Variants in TTC31 observed in about 807,000 individuals in gnomAD.
TTC31 encodes the protein tetratricopeptide repeat protein 31.
A neutral mutation model predicts 60.4 loss-of-function variants in TTC31; 59 were observed. The ratio of observed to expected loss-of-function variants is 0.98; its 90% CI spans 0.79 to 1.21. The LOEUF (loss-of-function observed/expected upper bound fraction) is 1.21, where lower values mean the gene tolerates loss of function less well. TTC31 is among the 50% of genes most tolerant of loss of function. TTC31 has a pLI of 0.00. For synonymous variants in TTC31, 225 were observed against 249.6 expected (o/e 0.90, Z 0.93); for missense variants, 672 against 646.9 (o/e 1.04, Z -0.42).
Position 74,491,310 on chromosome 2 carries a change from G to T in TTC31, c.619G>T (p.Asp207Tyr). ...CGEPKASTTS[D>Y]GDESPPSSPG... is the part of the protein sequence containing the mutation. ...TTTCTTCCAGGCCAGCACTACCTCA[G>T]ATGGAGATGAGAGCCCCCCATCCAG... Residue 207 changes from aspartate (D) to tyrosine (Y), a missense_variant, in exon 7 of 13, where the codon GAT becomes TAT. By Grantham distance (160) the Asp-to-Tyr change is radical (BLOSUM62 -3). Transcript: ENST00000233623. 6.2e-7 allele frequency: 1 copy of T among 1,614,162 alleles called. No individual in the cohort carries two copies. Among genetic ancestry groups the T allele is most frequent in the Admixed American group, 1.7e-5 (1 of 60,022 alleles).
chr2:74,492,787 CAG>C, intron 12 of TTC31, 40 bp downstream of exon 12: 2 of 1,605,292 alleles, frequency 1.2e-6, no homozygotes, highest in Non-Finnish European at 1.7e-6. Flanking sequence ...AGGCGGGTAT[CAG>C]GGAGAATTGG....
chr2:74,483,116 T>C lies in TTC31; in HGVS notation c.21T>C (p.Thr7=), dbSNP rs569753223. 3.7e-6 allele frequency: 6 copies of C among 1,614,154 alleles called. No individual in the cohort carries two copies. The highest frequency in any genetic ancestry group is 5.1e-6 in the Non-Finnish European group (6 of 1,180,028). Residue 7 remains threonine, a synonymous_variant, in exon 1 of 13, where the codon ACT becomes ACC. Coordinates refer to ENST00000233623, the MANE Select transcript of TTC31 (RefSeq NM_022492.6). MAPIPK[T]VGRIKLDCSL... is the part of the protein sequence containing the mutation. ...ATGCGATGGCGCCGATTCCAAAGAC[T>C]GTGGGGCGGATCAAGCTAGGTGAGC... is the stretch of plus-strand genomic sequence containing the variant.
chr2:74,484,532 C>T (rs2104083454), intron 2 of TTC31, among the ~76,000 whole-genome samples: 1 of 151,994 alleles, frequency 6.6e-6, no homozygotes, highest in African/African-American at 2.4e-5. Context: ...GATCTTGGCT[C>T]ACTGCAACCT....
At position 74,490,381 on chromosome 2, in the gene TTC31, C is replaced by T. The variant is rs757768516; in HGVS notation, c.370C>T (p.Pro124Ser). 10 of 1,614,092 alleles carry T rather than the reference C, an allele frequency of 6.2e-6. No individual in the cohort carries two copies. The highest frequency in any genetic ancestry group is 1.7e-5 in the Admixed American group (1 of 60,012). The stretch of plus-strand genomic sequence containing the variant: ...TCCTCCCCAAGAGTCTGAGCCCTGC[C>T]CTCAAAGCCCCTCTGCCTCTGCCAC... ...LYPPQESEPC[P>S]QSPSASATFP... The change falls in exon 4 of 13, where the codon CCT (proline) becomes TCT (serine). Residue 124 changes from proline to serine, a missense_variant. Pro to Ser is a moderately conservative substitution (Grantham distance 74). Transcript: ENST00000233623.
In TTC31 at chr2:74,483,377, C is replaced by A; in HGVS notation, c.96C>A (p.Cys32Ter). Residue 32 changes from cysteine to a stop codon, truncating the protein, a stop_gained, in exon 2 of 13, where the codon TGC becomes TGA. Transcript: ENST00000233623. LOFTEE classifies it high-confidence loss of function. ...PLEVAAAPKL[C>*]KEFGPEDYGE... is the part of the protein sequence containing the mutation. ...AGGTCGCTGCTGCACCCAAACTTTGCAAGGAATTCGGTCCAGAGGATTACG... is the reference window on the plus strand; with the variant it reads ...AGGTCGCTGCTGCACCCAAACTTTGAAAGGAATTCGGTCCAGAGGATTACG... 6.2e-7 allele frequency: 1 copy of A among 1,614,190 alleles called. No homozygotes were observed. The highest frequency in any genetic ancestry group is 8.5e-7 in the Non-Finnish European group (1 of 1,180,026).
At chr2:74,487,400 G>T (rs1434577628) in intron 2 of TTC31, among the ~76,000 whole-genome samples, 1 of 152,088 alleles carries the variant, frequency 6.6e-6, no homozygotes, top group African/African-American at 2.4e-5. Flanking sequence ...TGTATTTTTA[G>T]TAGAGACGGG....
chr2:74,483,997 A>G (rs1361479215), intron 2 of TTC31, among the ~76,000 whole-genome samples: 4 of 149,560 alleles, frequency 2.7e-5, no homozygotes, highest in Non-Finnish European at 5.9e-5. Flanking sequence ...GCACTTTGGG[A>G]GGCCTAGGGG....
rs1267646014 is a variant in TTC31, at chr2:74,483,232, C to T, written c.41-90C>T. 13 of 1,612,942 alleles carry T rather than the reference C, an allele frequency of 8.1e-6. No individual in the cohort carries two copies. In the East Asian group the frequency reaches 2.9e-4, roughly 36 times the overall value. On this transcript the variant is annotated intron_variant, in intron 1 of 12. Transcript: ENST00000233623. ...TGAACGTTTCGAGTAGGATTTTATGCAGAGGGCGGAGAGTCGAGGGTAGAG... is the reference window on the plus strand; with the variant it reads ...TGAACGTTTCGAGTAGGATTTTATGTAGAGGGCGGAGAGTCGAGGGTAGAG...
intron 2 of TTC31, among the ~76,000 whole-genome samples, chr2:74,489,620 T>C (rs1232764212): frequency 6.6e-6 from 1 of 152,092 alleles, no homozygotes; most frequent in African/African-American, 2.4e-5. Context: ...TGTACTTGTT[T>C]AGGTGTGAGC....
intron 2 of TTC31, among the ~76,000 whole-genome samples, chr2:74,489,296 A>G (rs909325769): frequency 5.9e-5 from 9 of 152,192 alleles, no homozygotes; most frequent in African/African-American, 2.2e-4. Context: ...AGGTGAGGCA[A>G]GATGTGAGAA....
chr2:74,491,533 G>T lies in TTC31; in HGVS notation c.737G>T (p.Gly246Val). ...GTGTCTCTGGCTTTGCGCAAGGTTGGGGATTGGCCCCTCAGTGCCCGCAGA... is the reference window on the plus strand; with the variant it reads ...GTGTCTCTGGCTTTGCGCAAGGTTGTGGATTGGCCCCTCAGTGCCCGCAGA... ...TFVSLALRKVGDWPLSARREK... is the reference protein window; with the variant it reads ...TFVSLALRKVVDWPLSARREK... Residue 246 changes from glycine to valine, a missense_variant, in exon 8 of 13, where the codon GGG becomes GTG. Transcript: ENST00000233623. The T allele has an allele frequency of 6.2e-7, 1 of 1,614,024 alleles. No individual in the cohort carries two copies. Among genetic ancestry groups the T allele is most frequent in the Non-Finnish European group, 8.5e-7 (1 of 1,179,996 alleles).
intron 5 of TTC31, 136 bp downstream of exon 5, chr2:74,490,875 A>G (rs1162942466): frequency 1.0e-6 from 1 of 1,002,320 alleles, no homozygotes; most frequent in Non-Finnish European, 1.5e-6. Context: ...CAAGGGGCCC[A>G]GGGACTGGGG....
intron 2 of TTC31, among the ~76,000 whole-genome samples, chr2:74,486,079 A>T (rs910060936): frequency 6.6e-6 from 1 of 151,998 alleles, no homozygotes. Context: ...CATCCTGGCC[A>T]ACATGGTGAA....
At chr2:74,487,101 T>C (rs1253514270) in intron 2 of TTC31, among the ~76,000 whole-genome samples, 1 of 152,222 alleles carries the variant, frequency 6.6e-6, no homozygotes, top group African/African-American at 2.4e-5. Context: ...GGTAACAAGA[T>C]AGGAGAAGAT....
At chr2:74,484,064 C>T (rs1401214110) in intron 2 of TTC31, among the ~76,000 whole-genome samples, 2 of 151,852 alleles carry the variant, frequency 1.3e-5, no homozygotes, top group African/African-American at 4.8e-5. Context: ...GGTGAAACGC[C>T]ATCTCTACCA....
intron 8 of TTC31, 31 bp downstream of exon 8, chr2:74,491,703 G>T (rs1256632879): frequency 1.9e-6 from 3 of 1,608,410 alleles, no homozygotes; most frequent in South Asian, 1.1e-5. Context: ...TATTCAGCTG[G>T]AACCGTGGAA....
intron 2 of TTC31, 22 bp from the exon 3 acceptor site, chr2:74,490,003 C>CG: frequency 6.7e-7 from 1 of 1,491,014 alleles, no homozygotes. Context: ...CCAGCCTCCC[C>CG]TCCCCTCCCC....
At chr2:74,490,516 T>C in intron 4 of TTC31, 43 bp downstream of exon 4, 1 of 1,553,224 alleles carries the variant, frequency 6.4e-7, no homozygotes, top group Non-Finnish European at 8.7e-7. Flanking sequence ...CCAGGGTTCT[T>C]TCAATCCCTG....
chr2:74,491,030 G>A (rs1673803394), intron 5 of TTC31, 98 bp from the exon 6 acceptor site: 2 of 1,503,598 alleles, frequency 1.3e-6, no homozygotes, highest in African/African-American at 2.8e-5. Flanking sequence ...AATGATGCCT[G>A]TCTCATAGAG....
Sources: gnomAD v4.1 joint callset for allele counts (sites outside exome capture counted in the v4.1 genomes callset) on GRCh38, gnomAD v4.1.1 for gene constraint, MANE v1.5 for transcripts, NCBI Gene and HGNC (gene_info 2026-07-23, HGNC 2026-07-21) for gene names.